Variants in THSD4 observed in about 807,000 individuals in gnomAD.
THSD4 encodes thrombospondin type 1 domain containing 4.
A neutral mutation model predicts 119.0 loss-of-function variants in THSD4; 69 were observed. The observed-to-expected ratio is 0.58, with a 90% CI of 0.48 to 0.71. The LOEUF is 0.71. Ranked by LOEUF, THSD4 falls within the 30% of genes least tolerant of loss-of-function variation. The probability of loss-of-function intolerance (pLI) is 0.00; values close to 1 mark genes in which losing one functional copy is unlikely to be tolerated. For missense variants in THSD4, 1,393 were observed against 1,391.1 expected (o/e 1.00, Z -0.02); for synonymous variants, 524 against 540.4 (o/e 0.97, Z 0.42).
chr15:71,634,211 A>G (rs890737564), intron 7 of THSD4, among the ~76,000 whole-genome samples: 24 of 150,284 alleles, frequency 1.6e-4, no homozygotes, highest in African/African-American at 5.8e-4. Context: ...AAAGAAAAAG[A>G]AAAAGAAATA....
At chr15:71,682,086 G>C (rs1488006890) in intron 8 of THSD4, among the ~76,000 whole-genome samples, 1 of 152,178 alleles carries the variant, frequency 6.6e-6, no homozygotes, top group Non-Finnish European at 1.5e-5. Context: ...AAAGGATGAA[G>C]ACATAGTTCA....
At chr15:71,681,703 G>A (rs1339722024) in intron 8 of THSD4, among the ~76,000 whole-genome samples, 1 of 151,756 alleles carries the variant, frequency 6.6e-6, no homozygotes, top group Non-Finnish European at 1.5e-5. Flanking sequence ...GTTTTACATG[G>A]CACATGCCTT....
At chr15:71,341,646 G>A (rs754805590) in intron 6 of THSD4, 14 of 1,534,660 alleles carry the variant, frequency 9.1e-6, no homozygotes, top group African/African-American at 4.1e-5. Flanking sequence ...AAGTGAACAC[G>A]AAGATTGGAA....
Position 71,553,525 on chromosome 15 carries a change from C to T in THSD4, c.1153-107005C>T, listed in dbSNP as rs1039599993. On this transcript the variant is annotated intron_variant, in intron 7 of 17. Transcript: ENST00000261862. ...TATTTTCAGGAGAGACTGGGTTTCA[C>T]CATGTTGGCCAGGCTGGTCTCGAGC... is the stretch of plus-strand genomic sequence containing the variant. Among the ~76,000 whole-genome samples the T allele has an allele frequency of 5.9e-5, 9 of 152,118 alleles. 1 individual carries two copies. Among genetic ancestry groups the T allele is most frequent in the Non-Finnish European group, 1.5e-5 (1 of 67,986 alleles).
At chr15:71,406,073 C>A (rs910456462) in intron 6 of THSD4, among the ~76,000 whole-genome samples, 7 of 151,926 alleles carry the variant, frequency 4.6e-5, no homozygotes, top group Non-Finnish European at 8.8e-5. Flanking sequence ...CGCATGAGCA[C>A]CGTCCCTGGC....
chr15:71,567,616 A>G (rs2049268432), intron 7 of THSD4, among the ~76,000 whole-genome samples: 1 of 147,526 alleles, frequency 6.8e-6, no homozygotes, highest in Non-Finnish European at 1.5e-5. Context: ...ACACACACAC[A>G]CACACATGAA....
intron 8 of THSD4, among the ~76,000 whole-genome samples, chr15:71,693,366 A>G (rs189142983): frequency 4.3e-4 from 66 of 152,274 alleles, no homozygotes; most frequent in Non-Finnish European, 5.1e-4. Context: ...AACAAAGCCA[A>G]CTGGGCTTGG....
At chr15:71,128,526 C>CAA (rs60507084) in intron 1 of THSD4, among the ~76,000 whole-genome samples, 9,581 of 131,364 alleles carry the variant, frequency 0.073, 407 homozygotes, top group Middle Eastern at 0.13. Flanking sequence ...GACTCTGCCT[C>CAA]AAAAAAAAAA....
Position 71,294,178 on chromosome 15 carries a change from C to T in THSD4, c.1015+37463C>T, listed in dbSNP as rs1478394287. Among the ~76,000 whole-genome samples the T allele has an allele frequency of 3.3e-5, 5 of 152,142 alleles. No homozygotes were observed. In the East Asian group the frequency reaches 7.7e-4, roughly 23 times the overall value. Reference sequence around the variant, plus strand: ...GCTCTCAAGTTCATCTTTCTTTCTCCAAGCCTACGCCTGTGCTGCTGTCAT... The same window carrying T: ...GCTCTCAAGTTCATCTTTCTTTCTCTAAGCCTACGCCTGTGCTGCTGTCAT... On this transcript the variant is annotated intron_variant, in intron 6 of 17. Transcript: ENST00000261862.
At chr15:71,111,256 T>C (rs144279154), upstream of THSD4, 4,643 of 1,613,972 alleles carry the variant, frequency 2.9e-3, 12 homozygotes, top group Admixed American at 7.4e-3. Flanking sequence ...GAAGACTCCC[T>C]GACACTTCAT....
intron 7 of THSD4, among the ~76,000 whole-genome samples, chr15:71,442,660 G>GTGTGTGTGTATATA: frequency 4.3e-4 from 11 of 25,814 alleles, no homozygotes; most frequent in African/African-American, 1.2e-3. Context: ...GTGTGTGTGT[G>GTGTGTGTGTATATA]TATATATATA....
intron 7 of THSD4, among the ~76,000 whole-genome samples, chr15:71,509,944 T>C (rs2048253180): frequency 6.6e-6 from 1 of 152,192 alleles, no homozygotes; most frequent in Admixed American, 6.5e-5. Flanking sequence ...CAGGCTCTAG[T>C]GCATAACTAT....
At chr15:71,649,664 A>T (rs2051043887) in intron 7 of THSD4, among the ~76,000 whole-genome samples, 1 of 152,184 alleles carries the variant, frequency 6.6e-6, no homozygotes, top group South Asian at 2.1e-4. Context: ...CATCTTTGTC[A>T]TGAAATCTTT....
intron 6 of THSD4, among the ~76,000 whole-genome samples, chr15:71,358,759 T>A (rs143866949): frequency 6.6e-6 from 1 of 152,222 alleles, no homozygotes; most frequent in Admixed American, 6.5e-5. Context: ...TCATCATCTT[T>A]CTTTACTATC....
intron 3 of THSD4, among the ~76,000 whole-genome samples, chr15:71,158,217 G>C (rs959777695): frequency 6.9e-6 from 1 of 144,392 alleles, no homozygotes; most frequent in Non-Finnish European, 1.5e-5. Context: ...GCAGTGGCGC[G>C]ATCTCAGCTC....
intron 7 of THSD4, among the ~76,000 whole-genome samples, chr15:71,466,245 T>A (rs377563245): frequency 6.6e-6 from 1 of 150,992 alleles, no homozygotes. Flanking sequence ...CTCGGGAGGC[T>A]GAGGCAGGAG....
intron 3 of THSD4, among the ~76,000 whole-genome samples, chr15:71,180,782 T>C (rs1484968908): frequency 6.6e-6 from 1 of 152,138 alleles, no homozygotes; most frequent in South Asian, 2.1e-4. Context: ...GGGTGGCTAT[T>C]CAATAGTGAG....
intron 7 of THSD4, among the ~76,000 whole-genome samples, chr15:71,545,593 G>C (rs1355985078): frequency 6.6e-6 from 1 of 152,160 alleles, no homozygotes; most frequent in Non-Finnish European, 1.5e-5. Context: ...GGTCTTTCAA[G>C]AACTTTGGCT....
At chr15:71,472,019 A>G (rs1388740102) in intron 7 of THSD4, among the ~76,000 whole-genome samples, 2 of 152,014 alleles carry the variant, frequency 1.3e-5, no homozygotes, top group Non-Finnish European at 2.9e-5. Context: ...GGCTCAAACA[A>G]TCCCTCCACC....
Sources: allele counts gnomAD v4.1 joint callset (sites outside exome capture counted in the v4.1 genomes callset), GRCh38; gene constraint gnomAD v4.1.1; transcripts MANE v1.5; gene names NCBI Gene and HGNC (gene_info 2026-07-23, HGNC 2026-07-21).